TDRD7: variants seen among roughly 807,000 people sequenced by gnomAD.
The protein encoded by TDRD7 is tudor domain-containing protein 7.
In TDRD7, 47 loss-of-function variants were observed where a neutral mutation model predicts 109.8. That is an observed-to-expected ratio of 0.43 (90% CI 0.34 to 0.55). TDRD7 has a LOEUF of 0.55. TDRD7 is among the 20% of genes least tolerant of loss of function. The pLI is 0.03. For missense variants in TDRD7, 1,164 were observed against 1,319.2 expected (o/e 0.88, Z 1.82); for synonymous variants, 424 against 457.3 (o/e 0.93, Z 0.93).
In TDRD7 at chr9:97,472,512, T is replaced by G. The variant is rs373793366; in HGVS notation, c.1944+17T>G. ...CACCTGCAGGTACCACTGTGATCAC[T>G]GTTGTTGCTTGTTACACATTTTGTA... is the stretch of plus-strand genomic sequence containing the variant. On this transcript the variant is annotated intron_variant, in intron 10 of 16. Coordinates refer to ENST00000355295, the MANE Select transcript of TDRD7 (RefSeq NM_014290.3). 3 of 1,589,704 alleles carry G rather than the reference T, an allele frequency of 1.9e-6. No individual in the cohort carries two copies. The highest frequency in any genetic ancestry group is 1.3e-5 in the African/African-American group (1 of 74,346).
rs1271160639 is a variant in TDRD7, at chr9:97,431,092, G to A, written c.349+18G>A. 1.2e-6 allele frequency: 2 copies of A among 1,613,580 alleles called. No homozygotes were observed. Among genetic ancestry groups the A allele is most frequent in the Middle Eastern group, 1.7e-4 (1 of 6,058 alleles). On this transcript the variant is annotated intron_variant, in intron 3 of 16. Transcript: ENST00000355295. ...TCTAGAAGGTAGGAGCTTTTTACAT[G>A]CTAAAATTTTTAGGGCTGTCTACGA...
intron 1 of TDRD7, among the ~76,000 whole-genome samples, chr9:97,420,371 G>A (rs754588264): frequency 1.5e-5 from 2 of 137,770 alleles, no homozygotes; most frequent in Admixed American, 7.2e-5. Flanking sequence ...TTTTGGGGGG[G>A]GCGGGTGGGG....
chr9:97,455,116 A>G (rs1324150679), intron 6 of TDRD7, among the ~76,000 whole-genome samples: 21 of 152,194 alleles, frequency 1.4e-4, no homozygotes, highest in Admixed American at 1.4e-3. Flanking sequence ...CCCTACCAAG[A>G]CTAAACCAGG....
intron 1 of TDRD7, among the ~76,000 whole-genome samples, chr9:97,425,903 T>C (rs1442677401): frequency 6.6e-6 from 1 of 152,184 alleles, no homozygotes; most frequent in Admixed American, 6.5e-5. Context: ...AGCTATGTGG[T>C]ATATAGCCTG....
At chr9:97,463,616 C>T (rs1212271225) in intron 7 of TDRD7, among the ~76,000 whole-genome samples, 1 of 152,128 alleles carries the variant, frequency 6.6e-6, no homozygotes, top group African/African-American at 2.4e-5. Context: ...AGCCTTCCAG[C>T]TAAAAAGGCC....
intron 16 of TDRD7, among the ~76,000 whole-genome samples, chr9:97,494,698 ATATATATATATATATTT>A (rs1564219886): frequency 1.1e-5 from 1 of 94,810 alleles, no homozygotes; most frequent in African/African-American, 4.0e-5. Context: ...ATATATGTAT[ATATATATATATATATTT>A]TTTTTTTTTT....
At position 97,495,888 on chromosome 9, in the gene TDRD7, T is replaced by C. The variant is rs755480045; in HGVS notation, c.*5T>C. 1.2e-5 allele frequency: 19 copies of C among 1,611,006 alleles called. No individual in the cohort carries two copies. Among genetic ancestry groups the C allele is most frequent in the Non-Finnish European group, 1.6e-5 (19 of 1,177,428 alleles). On this transcript the variant is annotated 3_prime_UTR_variant, in exon 17 of 17. Coordinates refer to ENST00000355295, the MANE Select transcript of TDRD7 (RefSeq NM_014290.3). ...GAGCTTTCAAAAGTTAATTAATGACTGCCTCTGAAACCTTGACAACTAATT... is the reference window on the plus strand; with the variant it reads ...GAGCTTTCAAAAGTTAATTAATGACCGCCTCTGAAACCTTGACAACTAATT...
chr9:97,443,624 G>C (rs1045171841), intron 6 of TDRD7, among the ~76,000 whole-genome samples: 2 of 152,164 alleles, frequency 1.3e-5, no homozygotes, highest in Admixed American at 1.3e-4. Context: ...GTCTCATTAG[G>C]CTGTTCAGTT....
intron 1 of TDRD7, among the ~76,000 whole-genome samples, chr9:97,421,385 T>C (rs1458862446): frequency 6.6e-6 from 1 of 152,204 alleles, no homozygotes; most frequent in East Asian, 1.9e-4. Flanking sequence ...ATTTTTACTT[T>C]AGTGACATAT....
At chr9:97,456,354 C>T (rs899111345) in intron 6 of TDRD7, among the ~76,000 whole-genome samples, 77 of 152,008 alleles carry the variant, frequency 5.1e-4, no homozygotes, top group African/African-American at 1.7e-3. Context: ...CAAAGAAGAC[C>T]CCTTATAGCC....
chr9:97,493,662 G>A (rs552399102), intron 16 of TDRD7, among the ~76,000 whole-genome samples: 46 of 152,260 alleles, frequency 3.0e-4, no homozygotes, highest in African/African-American at 1.1e-3. Context: ...GTCCTAATAA[G>A]CCTGGGAGCA....
chr9:97,472,647 A>C (rs1828942057), intron 10 of TDRD7, 152 bp downstream of exon 10: 2 of 733,190 alleles, frequency 2.7e-6, no homozygotes, highest in Non-Finnish European at 4.8e-6. Flanking sequence ...AAGGGAAAAA[A>C]GTACCAAAAT....
In TDRD7 at chr9:97,412,698, G is replaced by A. The variant is rs1203915939; in HGVS notation, c.-7+460G>A. 6.6e-6 allele frequency among the ~76,000 whole-genome samples: 1 copy of A among 152,174 alleles called. No individual in the cohort carries two copies. The highest frequency in any genetic ancestry group is 1.5e-5 in the Non-Finnish European group (1 of 68,036). On this transcript the variant is annotated intron_variant, in intron 1 of 16. Coordinates refer to ENST00000355295, the MANE Select transcript of TDRD7 (RefSeq NM_014290.3). The surrounding 1 kb of genome is among the most constrained non-coding windows in gnomAD (Gnocchi z 4.3). ...TTTGAACCCAAGTATTTTACACCACGAACTTCTCTTGAAGGTCTCTATAAT... is the reference window on the plus strand; with the variant it reads ...TTTGAACCCAAGTATTTTACACCACAAACTTCTCTTGAAGGTCTCTATAAT...
rs1218699485 is a variant in TDRD7, at chr9:97,439,318, G to A, written c.637G>A (p.Asp213Asn). The A allele has an allele frequency of 1.9e-6, 3 of 1,602,426 alleles. No individual in the cohort carries two copies. Among genetic ancestry groups the A allele is most frequent in the South Asian group, 1.1e-5 (1 of 90,946 alleles). The change falls in exon 5 of 17, where the codon GAT becomes AAT. Residue 213 changes from aspartate to asparagine, a missense_variant and splice_region_variant. Physicochemically the swap from Asp to Asn is conservative, Grantham distance 23. Around this residue, in one of 5 missense-constraint regions of TDRD7, gnomAD observed 407 missense variants for 394.0 expected, o/e 1.03. Coordinates refer to ENST00000355295, the MANE Select transcript of TDRD7 (RefSeq NM_014290.3). ...LSRTSTKEMSDNLNQTVEKPN... is the reference protein window; with the variant it reads ...LSRTSTKEMSNNLNQTVEKPN... ...AAGAACCTCTACTAAGGAAATGAGT[G>A]GTATGTTTTCCAAACATTTTTGAGA...
In TDRD7 at chr9:97,446,042, G is replaced by A. The variant is rs547427594; in HGVS notation, c.855+4167G>A. Among the ~76,000 whole-genome samples, 6 of 152,250 alleles carry A rather than the reference G, an allele frequency of 3.9e-5. No homozygotes were observed. In the South Asian group the frequency reaches 6.2e-4, roughly 16 times the overall value. On this transcript the variant is annotated intron_variant, in intron 6 of 16. Coordinates refer to ENST00000355295, the MANE Select transcript of TDRD7 (RefSeq NM_014290.3). The stretch of plus-strand genomic sequence containing the variant: ...ATCTGCTCAGGAGGCTGAGGTGGGA[G>A]GATTGCTTGATCCCAGAAATTCAAG...
intron 6 of TDRD7, among the ~76,000 whole-genome samples, chr9:97,446,733 A>G (rs1419962119): frequency 2.0e-5 from 3 of 152,184 alleles, no homozygotes. Context: ...TCAGGAATCT[A>G]ACTTAATTTT....
rs370473930 is a variant in TDRD7 at position 97,470,555 on chromosome 9, T to C, written c.1630-3T>C. The C allele has an allele frequency of 6.2e-7, 1 of 1,608,458 alleles. No homozygotes were observed. Among genetic ancestry groups the C allele is most frequent in the Non-Finnish European group, 8.5e-7 (1 of 1,175,320 alleles). ...CTAAACATTCTGTGTTTTTAATCAT[T>C]AGGTATGCTATGTTGACTATGGTTT... On this transcript the variant is annotated splice_region_variant and splice_polypyrimidine_tract_variant and intron_variant, in intron 8 of 16. Transcript: ENST00000355295.
intron 2 of TDRD7, among the ~76,000 whole-genome samples, chr9:97,429,773 T>G (rs918378286): frequency 5.3e-5 from 8 of 152,230 alleles, no homozygotes; most frequent in African/African-American, 1.9e-4. Flanking sequence ...TTCTCTCTTT[T>G]TCCTCCATAA....
At chr9:97,427,764 T>A (rs1464281998) in intron 1 of TDRD7, among the ~76,000 whole-genome samples, 3 of 152,202 alleles carry the variant, frequency 2.0e-5, no homozygotes, top group Non-Finnish European at 2.9e-5. Context: ...TTGATTTTTT[T>A]ATTTATTCCT....
Sources: gnomAD v4.1 joint callset for allele counts (sites outside exome capture counted in the v4.1 genomes callset) on GRCh38, gnomAD v4.1.1 for gene constraint, gnomAD v4.1.1 regional missense constraint, Gnocchi (gnomAD v3.1) non-coding constraint, MANE v1.5 for transcripts, NCBI Gene and HGNC (gene_info 2026-07-23, HGNC 2026-07-21) for gene names.